Variants in GMEB1 observed in about 807,000 individuals in gnomAD.
The protein encoded by GMEB1 is glucocorticoid modulatory element binding protein 1.
In GMEB1, 6 loss-of-function variants were observed where a neutral mutation model predicts 52.4. The ratio of observed to expected loss-of-function variants is 0.11; its 90% CI spans 0.06 to 0.23. The LOEUF (loss-of-function observed/expected upper bound fraction) is 0.23, where lower values mean the gene tolerates loss of function less well. Ranked by LOEUF, GMEB1 falls within the 10% of genes least tolerant of loss-of-function variation. The probability of loss-of-function intolerance (pLI) is 1.00; values close to 1 mark genes in which losing one functional copy is unlikely to be tolerated. For synonymous variants in GMEB1, 255 were observed against 244.9 expected (o/e 1.04, Z -0.38); for missense variants, 486 against 685.6 (o/e 0.71, Z 3.25).
At chr1:28,697,197 A>ATATATATG (rs1334114115) in intron 6 of GMEB1, 113 bp downstream of exon 6, 3 of 179,718 alleles carry the variant, frequency 1.7e-5, no homozygotes, top group East Asian at 1.5e-4. Flanking sequence ...ATATATATAT[A>ATATATATG]TATGTATTTT....
At chr1:28,688,023 G>T (rs1051361219) in intron 2 of GMEB1, among the ~76,000 whole-genome samples, 1 of 152,110 alleles carries the variant, frequency 6.6e-6, no homozygotes, top group African/African-American at 2.4e-5. Flanking sequence ...GGTGGCTCAC[G>T]CCTGTAATCC....
At chr1:28,681,837 A>G (rs571701696) in intron 1 of GMEB1, among the ~76,000 whole-genome samples, 2 of 152,094 alleles carry the variant, frequency 1.3e-5, no homozygotes, top group Admixed American at 1.3e-4. Context: ...CAAGTAGCTC[A>G]GATTACAGGC....
intron 2 of GMEB1, among the ~76,000 whole-genome samples, chr1:28,688,564 CCTT>C (rs1462328068): frequency 1.3e-5 from 2 of 152,036 alleles, no homozygotes; most frequent in African/African-American, 2.4e-5. Context: ...CATTATATAA[CCTT>C]CTCTAAGTGG....
chr1:28,698,376 T>TAAAA (rs879350824), intron 6 of GMEB1, among the ~76,000 whole-genome samples: 1 of 137,092 alleles, frequency 7.3e-6, no homozygotes, highest in African/African-American at 2.7e-5. Context: ...GACTCCGTCT[T>TAAAA]AAAAAAAAAA....
intron 8 of GMEB1, 129 bp from the exon 9 acceptor site, chr1:28,710,391 A>T (rs903601069): frequency 1.8e-6 from 1 of 552,870 alleles, no homozygotes; most frequent in Non-Finnish European, 3.0e-6. Context: ...AATCTTTGTT[A>T]AAAATGTGTT....
intron 1 of GMEB1, among the ~76,000 whole-genome samples, chr1:28,679,729 C>A (rs1478330057): frequency 1.3e-5 from 2 of 151,982 alleles, no homozygotes; most frequent in Non-Finnish European, 2.9e-5. Context: ...AGCCTAGCTG[C>A]CTAAGCAAAT....
chr1:28,670,153 T>TTTTATTTATTTATTTATTTA (rs71027286), intron 1 of GMEB1, among the ~76,000 whole-genome samples: 3,521 of 150,792 alleles, frequency 0.023, 159 homozygotes, highest in East Asian at 0.22. Flanking sequence ...TGGGGACCCT[T>TTTTATTTATTTATTTATTTA]TTTATTTATT....
chr1:28,696,654 A>G (rs993442106), intron 5 of GMEB1, among the ~76,000 whole-genome samples: 2 of 152,090 alleles, frequency 1.3e-5, no homozygotes, highest in Non-Finnish European at 2.9e-5. Flanking sequence ...AAAAGACTGA[A>G]ACTTTATGTC....
intron 1 of GMEB1, among the ~76,000 whole-genome samples, chr1:28,675,422 T>C (rs1319013659): frequency 6.6e-6 from 1 of 150,596 alleles, no homozygotes. Context: ...CTCACTCCTG[T>C]AATCCCAGCA....
chr1:28,708,476 T>A (rs1670887043), intron 8 of GMEB1, among the ~76,000 whole-genome samples: 1 of 146,856 alleles, frequency 6.8e-6, no homozygotes, highest in South Asian at 2.2e-4. Context: ...ATTTTGTTTT[T>A]TTGAGACAGA....
intron 6 of GMEB1, 91 bp downstream of exon 6, chr1:28,697,175 A>ATATATG (rs1670252174): frequency 3.1e-5 from 3 of 98,028 alleles, no homozygotes; most frequent in African/African-American, 1.1e-4. Context: ...ATATATATAT[A>ATATATG]TATATATATA....
At position 28,677,342 on chromosome 1, in the gene GMEB1, C is replaced by T. The variant is rs551286709; in HGVS notation, c.-30-6241C>T. 1.8e-4 allele frequency among the ~76,000 whole-genome samples: 28 copies of T among 151,858 alleles called. No homozygotes were observed. The South Asian group carries it at 5.0e-3, about 27-fold the overall frequency. The stretch of plus-strand genomic sequence containing the variant: ...GCACGATCTCAGCTGGGACTACAGG[C>T]GCCCATCACCACGTCTGGCTAATTT... On this transcript the variant is annotated intron_variant, in intron 1 of 9. Coordinates refer to ENST00000373816, the MANE Select transcript of GMEB1 (RefSeq NM_001319674.2).
intron 2 of GMEB1, among the ~76,000 whole-genome samples, chr1:28,687,389 A>ACAC (rs1557504478): frequency 3.6e-5 from 5 of 137,440 alleles, no homozygotes; most frequent in African/African-American, 1.4e-4. Context: ...CACACACACA[A>ACAC]AAAAAGACAG....
intron 4 of GMEB1, 57 bp from the exon 5 acceptor site, chr1:28,692,885 C>T (rs932073476): frequency 8.5e-6 from 7 of 827,130 alleles, no homozygotes; most frequent in Non-Finnish European, 1.4e-5. Context: ...CATTATTTCC[C>T]CTCTTGGCCT....
chr1:28,708,611 A>G (rs2124580287), intron 8 of GMEB1, among the ~76,000 whole-genome samples: 1 of 151,370 alleles, frequency 6.6e-6, no homozygotes, highest in East Asian at 2.0e-4. Flanking sequence ...ATAGGCATGC[A>G]CCACCACGCC....
At chr1:28,693,219 A>ATTTTT (rs747525434) in intron 5 of GMEB1, among the ~76,000 whole-genome samples, 174 bp downstream of exon 5, 1 of 140,786 alleles carries the variant, frequency 7.1e-6, no homozygotes. Context: ...GACGAGATTG[A>ATTTTT]TTTTTTTTTT....
intron 3 of GMEB1, among the ~76,000 whole-genome samples, chr1:28,690,842 GTAGTGGTGCGC>G (rs1669930810): frequency 6.6e-6 from 1 of 151,994 alleles, no homozygotes; most frequent in Admixed American, 6.6e-5. Flanking sequence ...TTAGCTGGGT[GTAGTGGTGCGC>G]GCCTGTAATC....
At chr1:28,684,440 G>A (rs1183065459) in intron 2 of GMEB1, among the ~76,000 whole-genome samples, 1 of 151,826 alleles carries the variant, frequency 6.6e-6, no homozygotes, top group African/African-American at 2.4e-5. Context: ...GCAGGCGCCT[G>A]TAGTCCCAGC....
At chr1:28,712,267 C>T (rs1366236057) in intron 9 of GMEB1, among the ~76,000 whole-genome samples, 3 of 152,164 alleles carry the variant, frequency 2.0e-5, no homozygotes, top group African/African-American at 4.8e-5. Context: ...TCTGTAGTCA[C>T]GCCACTCTCA....
Sources: allele counts gnomAD v4.1 joint callset (sites outside exome capture counted in the v4.1 genomes callset), GRCh38; gene constraint gnomAD v4.1.1; transcripts MANE v1.5; gene names NCBI Gene and HGNC (gene_info 2026-07-23, HGNC 2026-07-21).